STAM2: variants seen among roughly 807,000 people sequenced by gnomAD.
STAM2 encodes signal transducing adapter molecule 2.
In STAM2, 51 loss-of-function variants were observed where a neutral mutation model predicts 65.6. The ratio of observed to expected loss-of-function variants is 0.78; its 90% CI spans 0.62 to 0.98. The LOEUF (loss-of-function observed/expected upper bound fraction) is 0.98, where lower values mean the gene tolerates loss of function less well. Among genes scored for constraint, STAM2 ranks in the 50% least tolerant of loss-of-function variants. The probability of loss-of-function intolerance (pLI) is 0.00; values close to 1 mark genes in which losing one functional copy is unlikely to be tolerated. For missense variants in STAM2, 584 were observed against 617.8 expected (o/e 0.95, Z 0.58); for synonymous variants, 198 against 208.4 (o/e 0.95, Z 0.43).
At chr2:152,175,423 T>C (rs528829308) in intron 1 of STAM2, among the ~76,000 whole-genome samples, 180 bp downstream of exon 1, 2 of 152,252 alleles carry the variant, frequency 1.3e-5, no homozygotes, top group Admixed American at 1.3e-4. Flanking sequence ...CCCAGACCGC[T>C]AGCGACGCGC....
intron 11 of STAM2, among the ~76,000 whole-genome samples, chr2:152,131,223 G>A (rs1193407241): frequency 6.6e-6 from 1 of 152,006 alleles, no homozygotes; most frequent in Non-Finnish European, 1.5e-5. Context: ...GAGAGGCCAA[G>A]TTGGGCAGAT....
Position 152,150,181 on chromosome 2 carries a change from A to G in STAM2, c.89T>C (p.Met30Thr). The G allele has an allele frequency of 6.2e-7, 1 of 1,613,708 alleles. No individual in the cohort carries two copies. Residue 30 changes from methionine (M) to threonine (T), a missense_variant, in exon 2 of 14, where the codon ATG becomes ACG. Physicochemically the swap from Met to Thr is moderately conservative, Grantham distance 81. Coordinates refer to ENST00000263904, the MANE Select transcript of STAM2 (RefSeq NM_005843.6). ...ACTTCCAACTTTGTCACATATGTCC[A>G]TAATAAGACTCCAATCTTCTGTAGT... ...YNTTEDWSLI[M>T]DICDKVGSTP... is the part of the protein sequence containing the mutation.
intron 8 of STAM2, among the ~76,000 whole-genome samples, chr2:152,134,942 A>T (rs1212846282): frequency 6.6e-6 from 1 of 152,190 alleles, no homozygotes; most frequent in African/African-American, 2.4e-5. Flanking sequence ...CTAAAATGGA[A>T]CTGTCTGTGG....
chr2:152,149,496 CTTTTT>C (rs70974823), intron 2 of STAM2, among the ~76,000 whole-genome samples: 1 of 126,598 alleles, frequency 7.9e-6, no homozygotes, highest in African/African-American at 2.9e-5. Context: ...ATAGTCTACT[CTTTTT>C]TTTTTTTTTT....
intron 1 of STAM2, among the ~76,000 whole-genome samples, chr2:152,151,925 GGGTT>G (rs761550527): frequency 1.3e-5 from 2 of 152,038 alleles, no homozygotes; most frequent in Non-Finnish European, 2.9e-5. Context: ...ATGAACATCT[GGGTT>G]GGTTGGTTGG....
rs10714838 is a variant in STAM2, at chr2:152,161,494, TAAA to T, written c.41-11268_41-11266del. Among the ~76,000 whole-genome samples, 951 of 103,588 alleles carry T rather than the reference TAAA, an allele frequency of 9.2e-3. 13 individuals are homozygous for T. Among genetic ancestry groups the T allele is most frequent in the African/African-American group, 0.031 (882 of 28,344 alleles). The allele number at this position is 103,588 out of a possible 152,430, so 68.0% of individuals were successfully genotyped here. On this transcript the variant is annotated intron_variant, in intron 1 of 13. Coordinates refer to ENST00000263904, the MANE Select transcript of STAM2 (RefSeq NM_005843.6). Reference sequence around the variant, plus strand: ...GCGAGAAACACCCAAGAATGATCAATAAAAAAAAAAAAAAAAAAAAAACATTAT... The same window carrying T: ...GCGAGAAACACCCAAGAATGATCAATAAAAAAAAAAAAAAAAAAACATTAT...
intron 1 of STAM2, among the ~76,000 whole-genome samples, chr2:152,172,542 G>T (rs1689914121): frequency 6.6e-6 from 1 of 152,072 alleles, no homozygotes; most frequent in Non-Finnish European, 1.5e-5. Flanking sequence ...AGCAAAAGGT[G>T]GTTACTTCCT....
At chr2:152,156,419 T>C (rs1259784752) in intron 1 of STAM2, among the ~76,000 whole-genome samples, 1 of 152,182 alleles carries the variant, frequency 6.6e-6, no homozygotes, top group East Asian at 1.9e-4. Flanking sequence ...TAAGAAACCA[T>C]TCTTTTATAG....
In STAM2 at chr2:152,150,057, T is replaced by C; in HGVS notation, c.125+88A>G. 4.6e-6 allele frequency: 4 copies of C among 869,376 alleles called. No individual in the cohort carries two copies. In the South Asian group the frequency reaches 6.1e-5, roughly 13 times the overall value. The allele number at this position is 869,376 out of a possible 1,614,324, so 53.9% of individuals were successfully genotyped here. A position where few individuals can be genotyped will look rare whatever the true frequency, so the allele number is the denominator to read the frequency against. ...TGTTCAAGGGTCAACTGTGATAAAG[T>C]CTCATTTTCCTCTCAAAGTTACATC... On this transcript the variant is annotated intron_variant, in intron 2 of 13. Transcript: ENST00000263904.
Position 152,175,663 on chromosome 2 carries a change from A to C in STAM2, c.-21T>G, listed in dbSNP as rs765768558. On this transcript the variant is annotated 5_prime_UTR_variant, in exon 1 of 14. Coordinates refer to ENST00000263904, the MANE Select transcript of STAM2 (RefSeq NM_005843.6). Reference sequence around the variant, plus strand: ...GGCATCTCGCCGGCGCCCGAGCCCTAGTCGCTGCTGTCTAGCTGACACTCA... The same window carrying C: ...GGCATCTCGCCGGCGCCCGAGCCCTCGTCGCTGCTGTCTAGCTGACACTCA... 16 of 1,606,278 alleles carry C rather than the reference A, an allele frequency of 1.0e-5. No homozygotes were observed. In the South Asian group the frequency reaches 1.6e-4, roughly 16 times the overall value.
At position 152,126,369 on chromosome 2, in the gene STAM2, C is replaced by G. The variant is rs1338584758; in HGVS notation, c.1036G>C (p.Glu346Gln). The G allele has an allele frequency of 6.4e-7, 1 of 1,558,710 alleles. No individual in the cohort carries two copies. Among genetic ancestry groups the G allele is most frequent in the Non-Finnish European group, 8.7e-7 (1 of 1,154,352 alleles). The change falls in exon 12 of 14, where the codon GAA becomes CAA. Residue 346 changes from glutamate (E) to glutamine (Q), a missense_variant. Physicochemically the swap from Glu to Gln is conservative, Grantham distance 29 (BLOSUM62 2). Transcript: ENST00000263904. ...ACTTTAACATTCAATTCAGACAATTCTGAATGCTTCCTGATGTAGAAGAAA... is the reference window on the plus strand; with the variant it reads ...ACTTTAACATTCAATTCAGACAATTGTGAATGCTTCCTGATGTAGAAGAAA... ...KLEEIDRKHSELSELNVKVLE... is the reference protein window; with the variant it reads ...KLEEIDRKHSQLSELNVKVLE...
chr2:152,151,244 C>A (rs932621014), intron 1 of STAM2, among the ~76,000 whole-genome samples: 4 of 150,250 alleles, frequency 2.7e-5, no homozygotes, highest in Non-Finnish European at 4.4e-5. Context: ...TGCAATGGCA[C>A]GATCTCAGCT....
At chr2:152,135,684 GCCT>G (rs1167628214) in intron 7 of STAM2, 81 bp from the exon 8 acceptor site, 7 of 933,766 alleles carry the variant, frequency 7.5e-6, no homozygotes, top group Admixed American at 6.8e-5. Flanking sequence ...ATTAAATTTA[GCCT>G]CCTTTGAATA....
At chr2:152,143,734 T>C in intron 7 of STAM2, 93 bp downstream of exon 7, 1 of 1,042,988 alleles carries the variant, frequency 9.6e-7, no homozygotes, top group Non-Finnish European at 1.4e-6. Context: ...TCTATTATGA[T>C]TTAAATACAC....
intron 11 of STAM2, among the ~76,000 whole-genome samples, chr2:152,130,239 T>C (rs974660937): frequency 6.6e-6 from 1 of 152,040 alleles, no homozygotes; most frequent in Non-Finnish European, 1.5e-5. Flanking sequence ...GTGTTGCTCC[T>C]ATTTTATTTT....
At chr2:152,153,256 T>C (rs1481198750) in intron 1 of STAM2, among the ~76,000 whole-genome samples, 2 of 152,180 alleles carry the variant, frequency 1.3e-5, no homozygotes, top group Non-Finnish European at 2.9e-5. Flanking sequence ...CTTTATTATA[T>C]ATACCTTGTA....
chr2:152,120,818 T>C lies in STAM2; in HGVS notation c.1350-16A>G. 6.3e-7 allele frequency: 1 copy of C among 1,598,976 alleles called. No homozygotes were observed. Among genetic ancestry groups the C allele is most frequent in the Non-Finnish European group, 8.6e-7 (1 of 1,166,468 alleles). On this transcript the variant is annotated splice_polypyrimidine_tract_variant and intron_variant, in intron 13 of 13. Transcript: ENST00000263904. ...TTGTCCAGTGCTACAAACAAAATTT[T>C]AAAAAGAAAACCATATTTACTTTGC...
At chr2:152,125,426 A>C (rs887018252) in intron 12 of STAM2, among the ~76,000 whole-genome samples, 17 of 152,134 alleles carry the variant, frequency 1.1e-4, no homozygotes, top group Admixed American at 7.9e-4. Context: ...CTTCACATGC[A>C]CCTTTACATA....
chr2:152,150,827 T>C (rs1055690171), intron 1 of STAM2, among the ~76,000 whole-genome samples: 1 of 152,024 alleles, frequency 6.6e-6, no homozygotes, highest in African/African-American at 2.4e-5. Flanking sequence ...AGAAAGTATA[T>C]CATACAAGTA....
Sources: gnomAD v4.1 joint callset for allele counts (sites outside exome capture counted in the v4.1 genomes callset) on GRCh38, gnomAD v4.1.1 for gene constraint, MANE v1.5 for transcripts, NCBI Gene and HGNC (gene_info 2026-07-23, HGNC 2026-07-21) for gene names.